SOCS6: variants seen among roughly 807,000 people sequenced by gnomAD.
The protein encoded by SOCS6 is STAT induced STAT inhibitor-4.
A neutral mutation model predicts 27.7 loss-of-function variants in SOCS6; 5 were observed. That is an observed-to-expected ratio of 0.18 (90% CI 0.09 to 0.38). The LOEUF (loss-of-function observed/expected upper bound fraction) is 0.38. Ranked by LOEUF, SOCS6 falls within the 10% of genes least tolerant of loss-of-function variation. The pLI is 1.00. For synonymous variants in SOCS6, 271 were observed against 260.0 expected (o/e 1.04, Z -0.41); for missense variants, 595 against 688.1 (o/e 0.86, Z 1.51).
intron 1 of SOCS6, among the ~76,000 whole-genome samples, chr18:70,290,602 A>G (rs929313533): frequency 1.3e-5 from 2 of 152,160 alleles, no homozygotes; most frequent in Non-Finnish European, 2.9e-5. Flanking sequence ...CTTTGGTTCA[A>G]ACACCCTCCC....
In SOCS6 at chr18:70,299,560, C is replaced by T. The variant is rs902838087; in HGVS notation, c.-127+10470C>T. ...TCTTCATTTCTCTTCAGGATAGGGACGGGGGGTCGGTGCTGAAAGTTCCAC... is the reference window on the plus strand; with the variant it reads ...TCTTCATTTCTCTTCAGGATAGGGATGGGGGGTCGGTGCTGAAAGTTCCAC... On this transcript the variant is annotated intron_variant, in intron 1 of 1. Coordinates refer to ENST00000397942, the MANE Select transcript of SOCS6 (RefSeq NM_004232.4). Among the ~76,000 whole-genome samples, 8 of 152,078 alleles carry T rather than the reference C, an allele frequency of 5.3e-5. No homozygotes were observed. The East Asian group carries it at 5.8e-4, about 11-fold the overall frequency.
chr18:70,293,639 A>C (rs145672333), intron 1 of SOCS6, among the ~76,000 whole-genome samples: 2 of 152,322 alleles, frequency 1.3e-5, no homozygotes, highest in East Asian at 3.9e-4. Context: ...GAAGCCCTCC[A>C]TGCTAACTAA....
chr18:70,323,315 G>T (rs1403622972), intron 1 of SOCS6, among the ~76,000 whole-genome samples: 1 of 152,198 alleles, frequency 6.6e-6, no homozygotes. Flanking sequence ...GTAAAGTAGT[G>T]TTAGGATCAC....
At chr18:70,293,137 GAGT>G (rs1568595118) in intron 1 of SOCS6, among the ~76,000 whole-genome samples, 1 of 152,150 alleles carries the variant, frequency 6.6e-6, no homozygotes, top group Non-Finnish European at 1.5e-5. Context: ...CCTGGCCACT[GAGT>G]AGGAGGGGTG....
intron 1 of SOCS6, among the ~76,000 whole-genome samples, chr18:70,296,906 CTT>C (rs375704179): frequency 2.3e-5 from 3 of 129,178 alleles, no homozygotes; most frequent in African/African-American, 9.3e-5. Context: ...CATTTTCTTT[CTT>C]TTTTTTTTTT....
rs1280799228 is a variant in SOCS6 at position 70,324,931 on chromosome 18, A to C, written c.263A>C (p.Lys88Thr). 1 of 1,614,150 alleles carries C rather than the reference A, an allele frequency of 6.2e-7. No homozygotes were observed. Among genetic ancestry groups the C allele is most frequent in the Non-Finnish European group, 8.5e-7 (1 of 1,180,016 alleles). ...KRRLSAKQKS[K>T]GKAGTPSGSS... is the part of the protein sequence containing the mutation. ...CGGCTTTCTGCAAAACAGAAGTCAA[A>C]AGGCAAGGCGGGCACACCCTCTGGG... Residue 88 changes from lysine (K) to threonine (T), a missense_variant, in exon 2 of 2, where the codon AAA becomes ACA. This residue lies in a region of SOCS6 where 467 missense variants were observed against 481.1 expected (regional missense o/e 0.97). Transcript: ENST00000397942.
rs1318717674 is a variant in SOCS6 at position 70,326,273 on chromosome 18, C to T, written c.1605C>T (p.Tyr535=). Residue 535 remains tyrosine (Y), a synonymous_variant, in exon 2 of 2, where the codon TAC becomes TAT. Transcript: ENST00000397942. ...KMKDYLQEKH[Y] The stretch of plus-strand genomic sequence containing the variant: ...AGGATTATTTACAGGAGAAGCACTA[C>T]TGAAAGATTGAGAACCCTGCATCTT... 4 of 1,608,866 alleles carry T rather than the reference C, an allele frequency of 2.5e-6. No individual in the cohort carries two copies. The highest frequency in any genetic ancestry group is 3.4e-6 in the Non-Finnish European group (4 of 1,177,158).
chr18:70,290,921 CTT>C (rs2062296478), intron 1 of SOCS6, among the ~76,000 whole-genome samples: 1 of 152,226 alleles, frequency 6.6e-6, no homozygotes, highest in Non-Finnish European at 1.5e-5. Flanking sequence ...GACCCCCTCT[CTT>C]GGTGGGCCCC....
At chr18:70,299,334 A>G (rs1175039852) in intron 1 of SOCS6, among the ~76,000 whole-genome samples, 1 of 152,102 alleles carries the variant, frequency 6.6e-6, no homozygotes, top group Non-Finnish European at 1.5e-5. Context: ...TTGCTGGATA[A>G]AACTCAGGAA....
At chr18:70,292,033 G>A in intron 1 of SOCS6, among the ~76,000 whole-genome samples, 1 of 152,200 alleles carries the variant, frequency 6.6e-6, no homozygotes, top group East Asian at 1.9e-4. Context: ...CTTTAGGGCT[G>A]AGGACACAGT....
chr18:70,324,461 G>GT, intron 1 of SOCS6, 82 bp from the exon 2 acceptor site: 1 of 437,306 alleles, frequency 2.3e-6, no homozygotes, highest in South Asian at 3.2e-5. Flanking sequence ...TCGTTCAGAA[G>GT]TTAAAGGATT....
chr18:70,324,752 A>C lies in SOCS6; in HGVS notation c.84A>C (p.Gln28His), dbSNP rs1319185007. Residue 28 changes from glutamine to histidine, a missense_variant, in exon 2 of 2, where the codon CAA (glutamine) becomes CAC (histidine). Transcript: ENST00000397942. ...AAGAAACTGATTTCATGGTAGTACA[A>C]CAACCATCGCTAGCCAGTGACTTTG... ...SKEETDFMVVQQPSLASDFGK... is the reference protein window; with the variant it reads ...SKEETDFMVVHQPSLASDFGK... 1.9e-6 allele frequency: 3 copies of C among 1,613,640 alleles called. No homozygotes were observed. In the African/African-American group the frequency reaches 4.0e-5, roughly 22 times the overall value.
rs1911209152 is a variant in SOCS6, at chr18:70,326,339, C to T, written c.*63C>T. 7.3e-7 allele frequency: 1 copy of T among 1,365,686 alleles called. No homozygotes were observed. The highest frequency in any genetic ancestry group is 1.4e-5 in the South Asian group (1 of 71,936). 84.6% of individuals were successfully genotyped at this position (1,365,686 alleles called of 1,614,324 possible). On this transcript the variant is annotated 3_prime_UTR_variant, in exon 2 of 2. Transcript: ENST00000397942. ...GAACAAGAGATTGAAATACAGTTTA[C>T]AAACTTTCATTGCCATCAAAATCTT...
chr18:70,290,579 T>C (rs1316652473), intron 1 of SOCS6, among the ~76,000 whole-genome samples: 1 of 152,232 alleles, frequency 6.6e-6, no homozygotes, highest in Non-Finnish European at 1.5e-5. Context: ...AAATTAAATA[T>C]GTGGCCTTAA....
chr18:70,308,222 T>C (rs2062377023), intron 1 of SOCS6, among the ~76,000 whole-genome samples: 1 of 152,132 alleles, frequency 6.6e-6, no homozygotes, highest in Non-Finnish European at 1.5e-5. Flanking sequence ...TTTTTAAATT[T>C]ATTGAGGCTT....
chr18:70,315,696 TCTTTTG>T (rs1226664691), intron 1 of SOCS6, among the ~76,000 whole-genome samples: 3 of 152,188 alleles, frequency 2.0e-5, no homozygotes, highest in Non-Finnish European at 4.4e-5. Context: ...TTCTGATTTT[TCTTTTG>T]CTGGCTGGGG....
intron 1 of SOCS6, among the ~76,000 whole-genome samples, chr18:70,300,764 G>A (rs2062344903): frequency 6.6e-6 from 1 of 152,114 alleles, no homozygotes; most frequent in African/African-American, 2.4e-5. Context: ...AAGTAGGAGT[G>A]AATCACTTGA....
chr18:70,310,236 T>C (rs1286727321), intron 1 of SOCS6, among the ~76,000 whole-genome samples: 1 of 152,048 alleles, frequency 6.6e-6, no homozygotes, highest in Non-Finnish European at 1.5e-5. Context: ...AGGAGATTTA[T>C]TGGCCTCCTC....
intron 1 of SOCS6, among the ~76,000 whole-genome samples, chr18:70,297,333 G>A (rs1244380891): frequency 7.1e-6 from 1 of 140,204 alleles, no homozygotes; most frequent in Non-Finnish European, 1.5e-5. Context: ...AGAAGTGTAT[G>A]TTTAATCAGG....
Sources: gnomAD v4.1 joint callset for allele counts (sites outside exome capture counted in the v4.1 genomes callset) on GRCh38, gnomAD v4.1.1 for gene constraint, gnomAD v4.1.1 regional missense constraint, MANE v1.5 for transcripts, NCBI Gene and HGNC (gene_info 2026-07-23, HGNC 2026-07-21) for gene names.